Variants in PAPOLA observed in about 807,000 individuals in gnomAD.
The protein encoded by PAPOLA is poly(A) polymerase alpha.
Under a neutral mutation model 100.6 loss-of-function variants are expected in PAPOLA, and 15 were observed. That is an observed-to-expected ratio of 0.15 (90% confidence interval 0.10 to 0.23). PAPOLA has a LOEUF of 0.23. PAPOLA is among the 10% of genes least tolerant of loss of function. The probability of loss-of-function intolerance (pLI) is 1.00; values close to 1 mark genes in which losing one functional copy is unlikely to be tolerated. For missense variants in PAPOLA, 533 were observed against 884.2 expected (o/e 0.60, Z 5.04); for synonymous variants, 293 against 300.0 (o/e 0.98, Z 0.24).
At chr14:96,552,903 G>A (rs1900963563) in intron 17 of PAPOLA, 1 of 370,738 alleles carries the variant, frequency 2.7e-6, no homozygotes, top group Non-Finnish European at 5.0e-6. Context: ...GATAGCTACT[G>A]CTACAGTGCA....
In PAPOLA at chr14:96,556,155, C is replaced by T. The variant is rs752737034; in HGVS notation, c.1766-20C>T. On this transcript the variant is annotated intron_variant, in intron 18 of 21. Coordinates refer to ENST00000216277, the MANE Select transcript of PAPOLA (RefSeq NM_032632.5). The stretch of plus-strand genomic sequence containing the variant: ...ATTTGGTTATTTTAATTTGTATATA[C>T]TCATATATTTGCTGCTTAGGTACAT... 2 of 1,562,522 alleles carry T rather than the reference C, an allele frequency of 1.3e-6. No homozygotes were observed. The highest frequency in any genetic ancestry group is 1.8e-6 in the Non-Finnish European group (2 of 1,133,108).
intron 1 of PAPOLA, among the ~76,000 whole-genome samples, chr14:96,512,869 TC>T (rs1897198089): frequency 6.6e-6 from 1 of 152,206 alleles, no homozygotes; most frequent in South Asian, 2.1e-4. Flanking sequence ...ACCTATGAGA[TC>T]AAGAGAGTTA....
chr14:96,527,568 TGA>T (rs1566845186), intron 5 of PAPOLA, 29 bp downstream of exon 5: 2 of 1,140,454 alleles, frequency 1.8e-6, no homozygotes, highest in South Asian at 1.2e-5. Context: ...TGAAATGGGA[TGA>T]GTTATGAACA....
At chr14:96,561,784 A>C (rs1398264226) in intron 20 of PAPOLA, among the ~76,000 whole-genome samples, 3 of 148,162 alleles carry the variant, frequency 2.0e-5, no homozygotes, top group Non-Finnish European at 4.5e-5. Context: ...TACTTCTTAC[A>C]TCTTATTTAC....
Position 96,542,757 on chromosome 14 carries a change from A to G in PAPOLA, c.1170-17A>G, listed in dbSNP as rs956124796. 1.0e-5 allele frequency: 16 copies of G among 1,585,106 alleles called. No individual in the cohort carries two copies. The highest frequency in any genetic ancestry group is 1.4e-5 in the Non-Finnish European group (16 of 1,172,864). ...TTAACCAAAACTTTTTGTTAATACT[A>G]AGTGACATTTGTTCAGGGTGGGCTT... On this transcript the variant is annotated splice_polypyrimidine_tract_variant and intron_variant, in intron 13 of 21. Coordinates refer to ENST00000216277, the MANE Select transcript of PAPOLA (RefSeq NM_032632.5).
chr14:96,545,593 T>A (rs1213109586), intron 15 of PAPOLA, among the ~76,000 whole-genome samples: 3 of 152,136 alleles, frequency 2.0e-5, no homozygotes, highest in South Asian at 2.1e-4. Flanking sequence ...CTCCATTTTT[T>A]AAATTTAAAA....
In PAPOLA at chr14:96,502,443, C is replaced by T. The variant is rs1896334041; in HGVS notation, c.-150C>T. On this transcript the variant is annotated 5_prime_UTR_variant, in exon 1 of 22. Coordinates refer to ENST00000216277, the MANE Select transcript of PAPOLA (RefSeq NM_032632.5). Reference sequence around the variant, plus strand: ...GGACGAAGGGGAAGGAGGAGAAGCGCTTAAAGCGGCGGGAGCGGTGCGGGA... The same window carrying T: ...GGACGAAGGGGAAGGAGGAGAAGCGTTTAAAGCGGCGGGAGCGGTGCGGGA... 1.4e-6 allele frequency: 1 copy of T among 714,092 alleles called. No homozygotes were observed. Among genetic ancestry groups the T allele is most frequent in the African/African-American group, 1.8e-5 (1 of 55,940 alleles). The allele number at this position is 714,092 out of a possible 1,614,324, so 44.2% of individuals were successfully genotyped here.
chr14:96,513,167 G>C (rs888666715), intron 1 of PAPOLA, among the ~76,000 whole-genome samples: 1 of 152,186 alleles, frequency 6.6e-6, no homozygotes, highest in African/African-American at 2.4e-5. Context: ...GGGCTCAAGA[G>C]ATCCTCTTGC....
chr14:96,503,239 G>A (rs1896452301), intron 1 of PAPOLA, among the ~76,000 whole-genome samples: 1 of 152,184 alleles, frequency 6.6e-6, no homozygotes, highest in South Asian at 2.1e-4. Flanking sequence ...CGGAGAAGGG[G>A]GCACTTCACA....
At chr14:96,506,799 C>G (rs1366615193) in intron 1 of PAPOLA, among the ~76,000 whole-genome samples, 1 of 152,184 alleles carries the variant, frequency 6.6e-6, no homozygotes, top group Admixed American at 6.5e-5. Context: ...TATGTGCATT[C>G]AAGGGTACAT....
chr14:96,522,200 C>G (rs1385160864), intron 3 of PAPOLA, among the ~76,000 whole-genome samples: 1 of 142,354 alleles, frequency 7.0e-6, no homozygotes, highest in Non-Finnish European at 1.5e-5. Flanking sequence ...TGGTTCGCTG[C>G]AACCTGTGCC....
At chr14:96,552,010 A>T (rs1357082631) in intron 16 of PAPOLA, among the ~76,000 whole-genome samples, 1 of 152,096 alleles carries the variant, frequency 6.6e-6, no homozygotes, top group Non-Finnish European at 1.5e-5. Context: ...ACACTTTTTG[A>T]AATTAAAAAA....
intron 1 of PAPOLA, among the ~76,000 whole-genome samples, chr14:96,513,010 A>G (rs1219536024): frequency 6.6e-6 from 1 of 152,220 alleles, no homozygotes; most frequent in African/African-American, 2.4e-5. Context: ...TCTGTCTTCC[A>G]GTCTTTGCAC....
chr14:96,518,939 C>A (rs1897709158), intron 1 of PAPOLA, among the ~76,000 whole-genome samples: 1 of 151,898 alleles, frequency 6.6e-6, no homozygotes, highest in African/African-American at 2.4e-5. Context: ...CACCTGTAGT[C>A]CCAGCTACTC....
Position 96,502,484 on chromosome 14 carries a change from G to T in PAPOLA, c.-109G>T. 1.2e-6 allele frequency: 1 copy of T among 841,124 alleles called. No individual in the cohort carries two copies. Among genetic ancestry groups the T allele is most frequent in the South Asian group, 1.5e-5 (1 of 64,732 alleles). 52.1% of individuals were successfully genotyped at this position (841,124 alleles called of 1,614,324 possible). A position where few individuals can be genotyped will look rare whatever the true frequency, so the allele number is the denominator to read the frequency against. ...CGGTGCGGGAGAGGGGTTGGACCCA[G>T]GGCTGAGGCAGGCCCCCCCCTCCCT... On this transcript the variant is annotated 5_prime_UTR_variant, in exon 1 of 22. It adds an upstream start codon to the 5' untranslated region. Coordinates refer to ENST00000216277, the MANE Select transcript of PAPOLA (RefSeq NM_032632.5).
chr14:96,506,910 A>G (rs1896754160), intron 1 of PAPOLA, among the ~76,000 whole-genome samples: 2 of 152,202 alleles, frequency 1.3e-5, no homozygotes, highest in African/African-American at 4.8e-5. Flanking sequence ...CAAAACTGCC[A>G]CTTGTGGAGT....
chr14:96,507,400 G>C (rs1199449719), intron 1 of PAPOLA, among the ~76,000 whole-genome samples: 1 of 142,094 alleles, frequency 7.0e-6, no homozygotes, highest in African/African-American at 2.6e-5. Context: ...CCATTCTCCT[G>C]CCTCAGCCTC....
At chr14:96,536,367 C>A (rs1378412429) in intron 11 of PAPOLA, among the ~76,000 whole-genome samples, 1 of 152,022 alleles carries the variant, frequency 6.6e-6, no homozygotes, top group African/African-American at 2.4e-5. Flanking sequence ...CCAAACCACC[C>A]AATTACATTC....
intron 1 of PAPOLA, among the ~76,000 whole-genome samples, chr14:96,511,234 G>A (rs1220465040): frequency 6.6e-6 from 1 of 152,156 alleles, no homozygotes; most frequent in African/African-American, 2.4e-5. Context: ...ACTAGGTGGG[G>A]ATTAATCAGT....
Sources: gnomAD v4.1 joint callset for allele counts (sites outside exome capture counted in the v4.1 genomes callset) on GRCh38, gnomAD v4.1.1 for gene constraint, MANE v1.5 for transcripts, NCBI Gene and HGNC (gene_info 2026-07-23, HGNC 2026-07-21) for gene names.